The following TDP1 variants were observed in gnomAD, a reference collection of about 807,000 sequenced individuals.
The protein encoded by TDP1 is tyr-DNA phosphodiesterase 1.
Under a neutral mutation model 81.5 loss-of-function variants are expected in TDP1, and 64 were observed. The observed-to-expected ratio is 0.79, with a 90% CI of 0.64 to 0.97. The LOEUF (loss-of-function observed/expected upper bound fraction) is 0.97, where lower values mean the gene tolerates loss of function less well. TDP1 is among the 50% of genes least tolerant of loss of function. The probability of loss-of-function intolerance (pLI) is 0.00; values close to 1 mark genes in which losing one functional copy is unlikely to be tolerated. For missense variants in TDP1, 723 were observed against 743.8 expected (o/e 0.97, Z 0.33); for synonymous variants, 256 against 264.3 (o/e 0.97, Z 0.30).
At chr14:89,979,301 CACATTTA>C (rs1894710179) in intron 7 of TDP1, among the ~76,000 whole-genome samples, 1 of 151,744 alleles carries the variant, frequency 6.6e-6, no homozygotes, top group Non-Finnish European at 1.5e-5. Flanking sequence ...GAGAGTGTTT[CACATTTA>C]ACAATTTTTT....
intron 14 of TDP1, among the ~76,000 whole-genome samples, chr14:90,008,229 C>T (rs925365167): frequency 6.6e-6 from 1 of 152,160 alleles, no homozygotes; most frequent in Non-Finnish European, 1.5e-5. Flanking sequence ...AGATGCTTGT[C>T]GGACCCTCTC....
At position 90,013,996 on chromosome 14, in the gene TDP1, G is replaced by T. The variant is rs183542140; in HGVS notation, c.1542-5320G>T. Among the ~76,000 whole-genome samples, 83 of 152,224 alleles carry T rather than the reference G, an allele frequency of 5.5e-4. 1 individual carries two copies. The East Asian group carries it at 8.9e-3, about 16-fold the overall frequency. On this transcript the variant is annotated intron_variant, in intron 14 of 16. Transcript: ENST00000335725. ...TCCTTTATAAATTACCCAGTCTTGG[G>T]TATGTCTTTATTAGCTGCGTGAGAA...
rs560911764 is a variant in TDP1, at chr14:90,031,107, T to A, written c.1645-1999T>A. Among the ~76,000 whole-genome samples, 486 of 152,070 alleles carry A rather than the reference T, an allele frequency of 3.2e-3. 2 individuals are homozygous for A. Among genetic ancestry groups the A allele is most frequent in the African/African-American group, 5.1e-3 (212 of 41,456 alleles). ...TTTACAAACACAGAACATTTTTTTT[T>A]AAATTTTATTATTATTATACTTTAA... On this transcript the variant is annotated intron_variant, in intron 15 of 16. Transcript: ENST00000335725.
chr14:90,015,219 C>G (rs1885172188), intron 14 of TDP1, among the ~76,000 whole-genome samples: 1 of 152,188 alleles, frequency 6.6e-6, no homozygotes, highest in Non-Finnish European at 1.5e-5. Flanking sequence ...GCTCCTGATT[C>G]AGGGTCCAGG....
At chr14:90,027,610 G>A (rs936256694) in intron 15 of TDP1, among the ~76,000 whole-genome samples, 1 of 152,156 alleles carries the variant, frequency 6.6e-6, no homozygotes, top group Non-Finnish European at 1.5e-5. Context: ...AGAATATGGG[G>A]AAACACATTG....
intron 7 of TDP1, chr14:89,980,019 C>A: frequency 3.6e-6 from 1 of 279,722 alleles, no homozygotes; most frequent in Non-Finnish European, 5.4e-6. Flanking sequence ...AAAATTTCAA[C>A]TCATAATAAG....
Position 89,963,495 on chromosome 14 carries a change from T to A in TDP1, c.381T>A (p.Thr127=). 4 of 1,603,750 alleles carry A rather than the reference T, an allele frequency of 2.5e-6. No individual in the cohort carries two copies. Among genetic ancestry groups the A allele is most frequent in the Non-Finnish European group, 3.4e-6 (4 of 1,174,602 alleles). The change falls in exon 3 of 17, where the codon ACT becomes ACA. Residue 127 remains threonine (T), a synonymous_variant. Transcript: ENST00000335725. ...CCAATGACGGCACTGCCCAAAGAAC[T>A]GAAAATCATGGCGCTCCCGCCTGCC... ...SAPNDGTAQR[T]ENHGAPACHR...
At position 90,044,732 on chromosome 14, in the gene TDP1, G is replaced by C. The variant is rs1888656901; in HGVS notation, c.*1589G>C. The C allele has an allele frequency of 6.6e-6, 1 of 152,130 alleles. No homozygotes were observed. The highest frequency in any genetic ancestry group is 2.1e-4 in the South Asian group (1 of 4,820). The allele number at this position is 152,130 out of a possible 1,614,324, so 9.4% of individuals were successfully genotyped here. On this transcript the variant is annotated 3_prime_UTR_variant, in exon 17 of 17. Transcript: ENST00000335725. ...TGTTGTATGTATTTTTGTGTGTTCT[G>C]CTTTTTTTAAATAAACTTGAAAAGC... is the stretch of plus-strand genomic sequence containing the variant.
At chr14:90,033,923 C>T (rs34738991) in intron 16 of TDP1, among the ~76,000 whole-genome samples, 59 of 152,126 alleles carry the variant, frequency 3.9e-4, no homozygotes, top group African/African-American at 1.4e-3. Context: ...TTTAAATAGC[C>T]GGGTGTGGTG....
chr14:90,037,853 T>C (rs1475878117), intron 16 of TDP1, among the ~76,000 whole-genome samples: 1 of 152,252 alleles, frequency 6.6e-6, no homozygotes, highest in Non-Finnish European at 1.5e-5. Flanking sequence ...AGTTCATGCA[T>C]TGAGTTATGT....
chr14:90,031,897 T>C (rs1471963284), intron 15 of TDP1, among the ~76,000 whole-genome samples: 2 of 152,212 alleles, frequency 1.3e-5, no homozygotes, highest in African/African-American at 4.8e-5. Flanking sequence ...AAGTCTAAAA[T>C]AGGCCTGCTA....
At chr14:89,986,242 A>G (rs1172823559) in intron 10 of TDP1, among the ~76,000 whole-genome samples, 1 of 152,252 alleles carries the variant, frequency 6.6e-6, no homozygotes, top group African/African-American at 2.4e-5. Flanking sequence ...GCCTGTGCCC[A>G]GTCTTGGAGG....
intron 3 of TDP1, chr14:89,965,893 ATCAT>A (rs1193125870): frequency 6.3e-4 from 620 of 981,766 alleles, no homozygotes; most frequent in Non-Finnish European, 7.2e-4. Flanking sequence ...AACTTGATCA[ATCAT>A]TCAGTACTGA....
At chr14:90,019,441 A>AGTTGG in intron 15 of TDP1, 23 bp downstream of exon 15, 1 of 1,216,540 alleles carries the variant, frequency 8.2e-7, no homozygotes, top group Non-Finnish European at 1.2e-6. Flanking sequence ...TTCCAACTGC[A>AGTTGG]CAGTGGGTCA....
intron 6 of TDP1, chr14:89,975,312 G>T (rs550758602): frequency 3.7e-6 from 2 of 542,896 alleles, no homozygotes; most frequent in East Asian, 1.5e-4. Flanking sequence ...TCCTGACTTC[G>T]TGATGTGCCC....
intron 15 of TDP1, among the ~76,000 whole-genome samples, chr14:90,027,392 G>A (rs1331767264): frequency 2.6e-5 from 4 of 151,772 alleles, no homozygotes; most frequent in Non-Finnish European, 5.9e-5. Context: ...GCAATCTTTG[G>A]CCCACGAGAT....
intron 14 of TDP1, among the ~76,000 whole-genome samples, chr14:89,995,579 C>T (rs1467748779): frequency 6.6e-6 from 1 of 152,214 alleles, no homozygotes. Context: ...ACATAGAACC[C>T]ACTCTCTCAG....
Position 89,963,642 on chromosome 14 carries a change from A to G in TDP1, c.528A>G (p.Pro176=). The G allele has an allele frequency of 6.2e-7, 1 of 1,614,134 alleles. No homozygotes were observed. Among genetic ancestry groups the G allele is most frequent in the Non-Finnish European group, 8.5e-7 (1 of 1,179,988 alleles). ...FYLTRVSGVK[P]KYNSGALHIK... Reference sequence around the variant, plus strand: ...TCACTAGAGTCTCTGGAGTTAAGCCAAAGTATAACTCTGGAGCCCTCCACA... The same window carrying G: ...TCACTAGAGTCTCTGGAGTTAAGCCGAAGTATAACTCTGGAGCCCTCCACA... Residue 176 remains proline (P), a synonymous_variant, in exon 3 of 17, where the codon CCA becomes CCG. Coordinates refer to ENST00000335725, the MANE Select transcript of TDP1 (RefSeq NM_018319.4).
chr14:90,035,080 T>C (rs1312480681), intron 16 of TDP1, among the ~76,000 whole-genome samples: 1 of 151,156 alleles, frequency 6.6e-6, no homozygotes, highest in Admixed American at 6.6e-5. Context: ...TCTGTCCCGC[T>C]AACCATTCTC....
Sources: allele counts gnomAD v4.1 joint callset (sites outside exome capture counted in the v4.1 genomes callset), GRCh38; gene constraint gnomAD v4.1.1; transcripts MANE v1.5; gene names NCBI Gene and HGNC (gene_info 2026-07-23, HGNC 2026-07-21).